Variants in MAP7D3 observed in about 807,000 individuals in gnomAD.
The protein encoded by MAP7D3 is MAP7 domain-containing protein 3.
Under a neutral mutation model 62.2 loss-of-function variants are expected in MAP7D3, and 45 were observed. The observed-to-expected ratio is 0.72, with a 90% confidence interval of 0.57 to 0.93. The LOEUF (loss-of-function observed/expected upper bound fraction) is 0.93, where lower values mean the gene tolerates loss of function less well. MAP7D3 is among the 40% of genes least tolerant of loss of function. The probability of loss-of-function intolerance (pLI) is 0.00; values close to 1 mark genes in which losing one functional copy is unlikely to be tolerated. For missense variants in MAP7D3, 711 were observed against 683.1 expected (o/e 1.04, Z -0.45); for synonymous variants, 288 against 248.8 (o/e 1.16, Z -1.48).
intron 1 of MAP7D3, among the ~76,000 whole-genome samples, chrX:136,249,635 T>C (rs1004451272): frequency 8.9e-6 from 1 of 112,178 alleles, no homozygotes; most frequent in African/African-American, 3.2e-5. Context: ...TGCATTTATA[T>C]GTTATGTATT....
rs1018246532 is a variant in MAP7D3 at position 136,244,684 on chromosome X, T to C, written c.365A>G (p.Gln122Arg). 27 of 1,210,532 alleles carry C rather than the reference T, an allele frequency of 2.2e-5. No individual in the cohort carries two copies. Among genetic ancestry groups the C allele is most frequent in the Non-Finnish European group, 3.0e-5 (27 of 894,326 alleles). ...KLKERKEKEEQRRIAAEEKRH... is the reference protein window; with the variant it reads ...KLKERKEKEERRRIAAEEKRH... ...TTTTTCTTCTGCAGCTATTCTCCGT[T>C]GTTCTTCTTTCTCTTTTCGCTCCTT... Residue 122 changes from glutamine to arginine, a missense_variant, in exon 4 of 19, where the codon CAA becomes CGA. Coordinates refer to ENST00000316077, the MANE Select transcript of MAP7D3 (RefSeq NM_024597.4).
chrX:136,243,827 T>C (rs1422062831), intron 4 of MAP7D3, among the ~76,000 whole-genome samples: 1 of 110,587 alleles, frequency 9.0e-6, no homozygotes, highest in Non-Finnish European at 1.9e-5. Context: ...AGTAGTGAAA[T>C]GACCTACAAG....
chrX:136,244,596 T>C, intron 4 of MAP7D3, 36 bp downstream of exon 4: 2 of 1,164,318 alleles, frequency 1.7e-6, no homozygotes, highest in Non-Finnish European at 2.3e-6. Flanking sequence ...GGCAACACAG[T>C]TTATCCTCTC....
chrX:136,229,945 ATT>A (rs1171133598), intron 10 of MAP7D3, among the ~76,000 whole-genome samples: 1,243 of 68,228 alleles, frequency 0.018, 12 homozygotes, highest in Non-Finnish European at 0.025. Flanking sequence ...CATCGGGCTA[ATT>A]TTTTTTTTTG....
chrX:136,243,636 G>C (rs2074414245), intron 4 of MAP7D3, among the ~76,000 whole-genome samples: 1 of 110,021 alleles, frequency 9.1e-6, no homozygotes, highest in African/African-American at 3.3e-5. Flanking sequence ...CGGGGGGGCA[G>C]AAGTTGCAGT....
intron 10 of MAP7D3, among the ~76,000 whole-genome samples, chrX:136,229,996 T>A (rs1469831619): frequency 1.2e-4 from 10 of 82,854 alleles, no homozygotes; most frequent in South Asian, 5.6e-4. Context: ...TATATATATT[T>A]TTTTTTTTTT....
intron 14 of MAP7D3, 107 bp downstream of exon 14, chrX:136,224,720 T>C (rs2074174598): frequency 4.1e-6 from 2 of 487,956 alleles, no homozygotes; most frequent in Non-Finnish European, 3.4e-6. Flanking sequence ...GAAATGCAAA[T>C]GTAATACTTT....
At chrX:136,238,472 C>T (rs1037106873) in intron 6 of MAP7D3, among the ~76,000 whole-genome samples, 4 of 112,060 alleles carry the variant, frequency 3.6e-5, no homozygotes, top group Non-Finnish European at 5.6e-5. Flanking sequence ...CATGGCATTG[C>T]AATTAATGTT....
At chrX:136,253,264 A>G (rs1234364816), upstream of MAP7D3, among the ~76,000 whole-genome samples, 1 of 112,337 alleles carries the variant, frequency 8.9e-6, no homozygotes, top group African/African-American at 3.2e-5. Flanking sequence ...CAAAACACAC[A>G]CACATACACA....
upstream of MAP7D3, among the ~76,000 whole-genome samples, chrX:136,254,617 C>T (rs763315509): frequency 1.1e-3 from 120 of 110,926 alleles, no homozygotes; most frequent in Non-Finnish European, 4.9e-4. Context: ...GTAACTGAAA[C>T]GGCTTCCAAG....
intron 5 of MAP7D3, 111 bp from the exon 6 acceptor site, chrX:136,240,597 T>A (rs1238175077): frequency 2.0e-6 from 1 of 495,976 alleles, no homozygotes; most frequent in East Asian, 3.6e-5. Flanking sequence ...AGACTTACAT[T>A]ACTCAAGTTC....
intron 1 of MAP7D3, among the ~76,000 whole-genome samples, chrX:136,247,928 C>T (rs1293121833): frequency 8.9e-6 from 1 of 112,275 alleles, no homozygotes; most frequent in Non-Finnish European, 1.9e-5. Flanking sequence ...TCAAAATCTA[C>T]ATTTTTGGCC....
intron 6 of MAP7D3, among the ~76,000 whole-genome samples, chrX:136,237,387 C>A (rs2074341737): frequency 1.8e-5 from 2 of 111,853 alleles, no homozygotes; most frequent in African/African-American, 3.2e-5. Flanking sequence ...TTGAATCAAC[C>A]CAGATTTAAA....
chrX:136,231,755 AGTGCTTCCAGACTCACTTCCGGGG>A lies in MAP7D3; in HGVS notation c.1178_1201del (p.Pro393_Ala400del), dbSNP rs2074271049. 1 of 1,208,983 alleles carries A rather than the reference AGTGCTTCCAGACTCACTTCCGGGG, an allele frequency of 8.3e-7. No individual in the cohort carries two copies. Among genetic ancestry groups the A allele is most frequent in the Non-Finnish European group, 1.1e-6 (1 of 894,897 alleles). On this transcript the variant is annotated inframe_deletion, in exon 8 of 19. Transcript: ENST00000316077. ...GGCTGCTTCCACGCTCACCTCTGGC[AGTGCTTCCAGACTCACTTCCGGGG>A]GTGCTTCCAGGCTCGCCTCCGGGGA...
chrX:136,236,366 T>C (rs758793261), intron 6 of MAP7D3, 27 bp from the exon 7 acceptor site: 1 of 929,835 alleles, frequency 1.1e-6, no homozygotes, highest in Admixed American at 2.5e-5. Context: ...AAAGGAATAT[T>C]AGTTTTCATA....
intron 17 of MAP7D3, 25 bp downstream of exon 17, chrX:136,219,568 G>A (rs759712363): frequency 8.5e-6 from 10 of 1,173,027 alleles, no homozygotes; most frequent in East Asian, 3.0e-5. Flanking sequence ...TCACAGATAC[G>A]CTGCTGCTCA....
intron 11 of MAP7D3, among the ~76,000 whole-genome samples, chrX:136,227,833 T>C (rs886852021): frequency 9.0e-6 from 1 of 111,529 alleles, no homozygotes; most frequent in African/African-American, 3.3e-5. Flanking sequence ...TATTCAGCAC[T>C]TTCAAATGCT....
chrX:136,220,436 G>C (rs1413955592), intron 16 of MAP7D3, among the ~76,000 whole-genome samples: 1 of 113,000 alleles, frequency 8.8e-6, no homozygotes, highest in Non-Finnish European at 1.9e-5. Context: ...CCAACTTTAT[G>C]AGATAACATT....
intron 7 of MAP7D3, among the ~76,000 whole-genome samples, chrX:136,234,594 C>T (rs1460612309): frequency 8.9e-6 from 1 of 112,249 alleles, no homozygotes; most frequent in Non-Finnish European, 1.9e-5. Flanking sequence ...ACATCAAATG[C>T]TGGGTAAAAT....
Sources: gnomAD v4.1 joint callset for allele counts (sites outside exome capture counted in the v4.1 genomes callset) on GRCh38, gnomAD v4.1.1 for gene constraint, MANE v1.5 for transcripts, NCBI Gene and HGNC (gene_info 2026-07-23, HGNC 2026-07-21) for gene names.